CSMD1: variants seen among roughly 807,000 people sequenced by gnomAD.
CSMD1 encodes CUB and Sushi multiple domains 1.
A neutral mutation model predicts 417.5 loss-of-function variants in CSMD1; 213 were observed. That is an observed-to-expected ratio of 0.51 (90% CI 0.46 to 0.57). The LOEUF (loss-of-function observed/expected upper bound fraction) is 0.57. Among genes scored for constraint, CSMD1 ranks in the 20% least tolerant of loss-of-function variants. The pLI, the probability that CSMD1 is intolerant of heterozygous loss-of-function variation, is 0.00. For synonymous variants in CSMD1, 2,862 were observed against 1,736.8 expected, an observed-to-expected ratio of 1.65 and a Z score of -16.11; for missense variants, 6,923 against 4,529.7, an observed-to-expected ratio of 1.53 and a Z score of -15.17.
At chr8:4,870,146 T>A (rs148182783) in intron 1 of CSMD1, among the ~76,000 whole-genome samples, 1 of 152,222 alleles carries the variant, frequency 6.6e-6, no homozygotes, top group African/African-American at 2.4e-5. Flanking sequence ...CATATACTTA[T>A]AAAATGTTTA....
intron 12 of CSMD1, among the ~76,000 whole-genome samples, chr8:3,447,169 G>A (rs537953895): frequency 3.3e-5 from 5 of 152,152 alleles, no homozygotes; most frequent in East Asian, 1.9e-4. Context: ...CTGATGAAAA[G>A]ATGAAAAGAA....
intron 37 of CSMD1, among the ~76,000 whole-genome samples, chr8:3,176,252 CTTAA>C (rs1820929738): frequency 6.6e-6 from 1 of 152,110 alleles, no homozygotes; most frequent in Admixed American, 6.6e-5. Context: ...GAAAGCAATT[CTTAA>C]TTAGAGGGAA....
At chr8:4,068,375 A>G (rs113465425) in intron 3 of CSMD1, among the ~76,000 whole-genome samples, 171 of 152,300 alleles carry the variant, frequency 1.1e-3, no homozygotes, top group African/African-American at 4.0e-3. Context: ...TTTGTCAGCC[A>G]TGGGAGTGTG....
chr8:3,358,173 C>T (rs922126081), intron 21 of CSMD1, among the ~76,000 whole-genome samples: 1 of 152,166 alleles, frequency 6.6e-6, no homozygotes. Flanking sequence ...CCTTCCCCAC[C>T]TGCCTCCAGT....
At chr8:4,710,965 T>A (rs140652032) in intron 1 of CSMD1, among the ~76,000 whole-genome samples, 1 of 152,196 alleles carries the variant, frequency 6.6e-6, no homozygotes, top group African/African-American at 2.4e-5. Context: ...CAAATGATGG[T>A]GCTCTTGGAT....
At chr8:3,350,903 C>A (rs1321325937) in intron 21 of CSMD1, among the ~76,000 whole-genome samples, 1 of 152,144 alleles carries the variant, frequency 6.6e-6, no homozygotes, top group Admixed American at 6.6e-5. Context: ...TTCAAGTCCT[C>A]ACTATGCAAG....
intron 3 of CSMD1, among the ~76,000 whole-genome samples, chr8:4,248,848 T>C (rs1187351611): frequency 2.0e-5 from 3 of 152,192 alleles, no homozygotes; most frequent in African/African-American, 4.8e-5. Flanking sequence ...CCAAAAACAA[T>C]TGCTAACTCT....
At chr8:3,507,486 G>C (rs1796877347) in intron 10 of CSMD1, among the ~76,000 whole-genome samples, 1 of 152,130 alleles carries the variant, frequency 6.6e-6, no homozygotes, top group Non-Finnish European at 1.5e-5. Flanking sequence ...TGTCTTTATA[G>C]CAGCATGATT....
chr8:4,698,651 G>A (rs1433457636), intron 1 of CSMD1, among the ~76,000 whole-genome samples: 12 of 150,620 alleles, frequency 8.0e-5, no homozygotes, highest in Non-Finnish European at 3.0e-5. Context: ...AAGAAGGAAG[G>A]GAGAAGACAG....
chr8:4,565,862 TTTC>T (rs1038700209), intron 2 of CSMD1, among the ~76,000 whole-genome samples: 2 of 149,260 alleles, frequency 1.3e-5, no homozygotes, highest in African/African-American at 2.5e-5. Flanking sequence ...CATTCCAGAT[TTTC>T]TTCTTCTGTT....
chr8:4,164,298 A>C (rs4537318), intron 3 of CSMD1, among the ~76,000 whole-genome samples: 58,858 of 151,842 alleles, frequency 0.39, 11,621 homozygotes, highest in Middle Eastern at 0.5. Flanking sequence ...ACAAATGATA[A>C]ATATAGAATC....
At chr8:3,803,409 G>T (rs1375452637) in intron 5 of CSMD1, among the ~76,000 whole-genome samples, 1 of 152,220 alleles carries the variant, frequency 6.6e-6, no homozygotes, top group Non-Finnish European at 1.5e-5. Flanking sequence ...AACAGGTAGT[G>T]TAGGTAGAGC....
At chr8:4,504,308 A>G (rs904796005) in intron 2 of CSMD1, among the ~76,000 whole-genome samples, 3 of 152,138 alleles carry the variant, frequency 2.0e-5, no homozygotes, top group Non-Finnish European at 4.4e-5. Flanking sequence ...GGAGGTTGCC[A>G]GGTGTAGGGA....
At chr8:4,890,045 G>A (rs1310696360) in intron 1 of CSMD1, among the ~76,000 whole-genome samples, 1 of 152,016 alleles carries the variant, frequency 6.6e-6, no homozygotes, top group African/African-American at 2.4e-5. Flanking sequence ...TGAGGTGAAA[G>A]GTAAAGGTGC....
At chr8:4,459,851 G>A (rs1171891853) in intron 2 of CSMD1, among the ~76,000 whole-genome samples, 2 of 152,248 alleles carry the variant, frequency 1.3e-5, no homozygotes, top group East Asian at 3.9e-4. Flanking sequence ...ACTAAAGCAT[G>A]CCCCTACCAG....
chr8:3,944,379 A>G (rs1172680032), intron 5 of CSMD1, among the ~76,000 whole-genome samples: 2 of 152,142 alleles, frequency 1.3e-5, no homozygotes, highest in African/African-American at 4.8e-5. Context: ...GTTCCTCTCT[A>G]CGACTGAATA....
In CSMD1 at chr8:4,315,594, G is replaced by T. The variant is rs144456144; in HGVS notation, c.415+104359C>A. On this transcript the variant is annotated intron_variant, in intron 3 of 69. Coordinates refer to ENST00000635120, the MANE Select transcript of CSMD1 (RefSeq NM_033225.6). ...CAATCTTCCATCCAGAACTTTGCCA[G>T]ATATTATGAATAAAGTAAACTTGGT... is the stretch of plus-strand genomic sequence containing the variant. Among the ~76,000 whole-genome samples, 722 of 152,266 alleles carry T rather than the reference G, an allele frequency of 4.7e-3. 4 individuals are homozygous for T. The highest frequency in any genetic ancestry group is 0.016 in the African/African-American group (674 of 41,562).
chr8:3,061,289 A>C (rs1302297024), intron 49 of CSMD1, among the ~76,000 whole-genome samples: 1 of 152,228 alleles, frequency 6.6e-6, no homozygotes, highest in African/African-American at 2.4e-5. Context: ...GCCAGCAGCA[A>C]ATAGTCACAT....
At chr8:4,777,778 T>G (rs988791298) in intron 1 of CSMD1, among the ~76,000 whole-genome samples, 14 of 152,260 alleles carry the variant, frequency 9.2e-5, no homozygotes, top group African/African-American at 3.1e-4. Flanking sequence ...CAAAAAGAAG[T>G]CAAAGAGTAA....
Sources: allele counts gnomAD v4.1 joint callset (sites outside exome capture counted in the v4.1 genomes callset), GRCh38; gene constraint gnomAD v4.1.1; transcripts MANE v1.5; gene names NCBI Gene and HGNC (gene_info 2026-07-23, HGNC 2026-07-21).